The following ASXL3 variants were observed in gnomAD, a reference collection of about 807,000 sequenced individuals.
ASXL3 encodes ASXL transcriptional regulator 3.
Under a neutral mutation model 170.6 loss-of-function variants are expected in ASXL3, and 34 were observed. The observed-to-expected ratio is 0.20, with a 90% CI of 0.15 to 0.27. The LOEUF is 0.27. Among genes scored for constraint, ASXL3 ranks in the 10% least tolerant of loss-of-function variants. The pLI, the probability that ASXL3 is intolerant of heterozygous loss-of-function variation, is 1.00. For missense variants in ASXL3, 2,592 were observed against 2,695.3 expected, an observed-to-expected ratio of 0.96 and a Z score of 0.85; for synonymous variants, 1,002 against 989.1, an observed-to-expected ratio of 1.01 and a Z score of -0.24.
At chr18:33,629,556 A>C (rs923521312) in intron 2 of ASXL3, among the ~76,000 whole-genome samples, 3 of 152,048 alleles carry the variant, frequency 2.0e-5, no homozygotes, top group Admixed American at 1.3e-4. Flanking sequence ...GCCCAGGTTT[A>C]AGATAATTTT....
chr18:33,680,406 C>A (rs1014307129), intron 7 of ASXL3, among the ~76,000 whole-genome samples: 6 of 152,046 alleles, frequency 3.9e-5, no homozygotes, highest in African/African-American at 1.4e-4. Context: ...GCTTTTGAAT[C>A]CTGGGGGAAA....
intron 7 of ASXL3, among the ~76,000 whole-genome samples, chr18:33,675,278 G>T (rs186889817): frequency 2.4e-4 from 36 of 152,272 alleles, no homozygotes; most frequent in African/African-American, 8.4e-4. Context: ...CCAGCATGTA[G>T]CAGAATCAGT....
chr18:33,670,566 C>A, intron 5 of ASXL3, 107 bp from the exon 6 acceptor site: 1 of 724,072 alleles, frequency 1.4e-6, no homozygotes, highest in Non-Finnish European at 2.1e-6. Flanking sequence ...GAATTTAAGT[C>A]TCTTAAGAGG....
intron 2 of ASXL3, among the ~76,000 whole-genome samples, chr18:33,637,972 T>C (rs557907051): frequency 6.6e-6 from 1 of 152,248 alleles, no homozygotes; most frequent in East Asian, 1.9e-4. Context: ...GAGTACAAAT[T>C]TATTTCAAGA....
intron 3 of ASXL3, among the ~76,000 whole-genome samples, chr18:33,645,691 TA>T (rs1383767180): frequency 6.6e-6 from 1 of 151,914 alleles, no homozygotes; most frequent in African/African-American, 2.4e-5. Flanking sequence ...TCTTAGAAAT[TA>T]AAAAGAAGTC....
chr18:33,695,213 A>G (rs986119604), intron 8 of ASXL3, among the ~76,000 whole-genome samples: 9 of 152,174 alleles, frequency 5.9e-5, no homozygotes, highest in Non-Finnish European at 1.3e-4. Flanking sequence ...AAATACTAGT[A>G]TCTTAAGCCT....
intron 3 of ASXL3, 116 bp downstream of exon 3, chr18:33,645,118 G>A: frequency 2.0e-6 from 1 of 512,106 alleles, no homozygotes; most frequent in Non-Finnish European, 3.3e-6. Context: ...GCCTTTAAAT[G>A]TTTACAGATG....
chr18:33,618,175 C>A (rs2065457137), intron 2 of ASXL3, among the ~76,000 whole-genome samples: 1 of 152,086 alleles, frequency 6.6e-6, no homozygotes, highest in African/African-American at 2.4e-5. Flanking sequence ...AAAAATAAGT[C>A]TTAGTTCTTT....
At chr18:33,644,791 T>G in intron 2 of ASXL3, 103 bp from the exon 3 acceptor site, 2 of 639,948 alleles carry the variant, frequency 3.1e-6, no homozygotes, top group Non-Finnish European at 4.9e-6. Flanking sequence ...TTTTAATTAT[T>G]TTTTTATTTT....
At chr18:33,602,236 A>G (rs1200352230) in intron 1 of ASXL3, among the ~76,000 whole-genome samples, 3 of 152,060 alleles carry the variant, frequency 2.0e-5, no homozygotes, top group Non-Finnish European at 4.4e-5. Context: ...CTGCCATTCT[A>G]TGGAAAAATT....
chr18:33,689,510 G>T (rs1360747162), intron 8 of ASXL3, among the ~76,000 whole-genome samples: 1 of 152,098 alleles, frequency 6.6e-6, no homozygotes, highest in Non-Finnish European at 1.5e-5. Context: ...CCTTCATTTG[G>T]ATCAGTTCTT....
At position 33,743,291 on chromosome 18, in the gene ASXL3, CT is replaced by C; in HGVS notation, c.3444del (p.Glu1149LysfsTer107). The C allele has an allele frequency of 6.2e-7, 1 of 1,613,894 alleles. No homozygotes were observed. The highest frequency in any genetic ancestry group is 8.5e-7 in the Non-Finnish European group (1 of 1,179,830). On this transcript the variant is annotated frameshift_variant, in exon 12 of 12. Coordinates refer to ENST00000269197, the MANE Select transcript of ASXL3 (RefSeq NM_030632.3). LOFTEE classifies it high-confidence loss of function. Reference sequence around the variant, plus strand: ...CCAAACTTAGAAGTCTCTTCTACCCCTGAAACAAAAATGGAAGGTTCGACTG... The same window carrying C: ...CCAAACTTAGAAGTCTCTTCTACCCCGAAACAAAAATGGAAGGTTCGACTG... ...GPPNLEVSST[P>X]ETKMEGSTGV...
intron 4 of ASXL3, among the ~76,000 whole-genome samples, chr18:33,652,238 G>C (rs2066009923): frequency 6.6e-6 from 1 of 151,934 alleles, no homozygotes; most frequent in Non-Finnish European, 1.5e-5. Flanking sequence ...ATAATACATT[G>C]ATATATCGTG....
intron 2 of ASXL3, chr18:33,625,872 T>C (rs546412951): frequency 6.6e-6 from 1 of 152,258 alleles, no homozygotes; most frequent in South Asian, 2.1e-4. Flanking sequence ...TGATGAGCAT[T>C]TTTATAGATA....
At chr18:33,676,820 C>G (rs958643152) in intron 7 of ASXL3, among the ~76,000 whole-genome samples, 1 of 152,144 alleles carries the variant, frequency 6.6e-6, no homozygotes, top group African/African-American at 2.4e-5. Flanking sequence ...AAACCCTCCC[C>G]CATGAAGTTT....
intron 1 of ASXL3, 28 bp downstream of exon 1, chr18:33,578,713 G>A: frequency 5.0e-6 from 6 of 1,198,534 alleles, no homozygotes; most frequent in Non-Finnish European, 6.3e-6. Flanking sequence ...CACGCCGCCC[G>A]CGCCTCCCGC....
intron 2 of ASXL3, among the ~76,000 whole-genome samples, chr18:33,643,358 G>A (rs2065873968): frequency 6.6e-6 from 1 of 151,788 alleles, no homozygotes; most frequent in Non-Finnish European, 1.5e-5. Context: ...TTTTGTGAGA[G>A]AAAATAATGA....
intron 7 of ASXL3, among the ~76,000 whole-genome samples, chr18:33,680,980 G>A (rs2066504884): frequency 6.6e-6 from 1 of 150,910 alleles, no homozygotes; most frequent in African/African-American, 2.4e-5. Flanking sequence ...TCCTCCTTTT[G>A]TGCCTTCCTT....
intron 1 of ASXL3, among the ~76,000 whole-genome samples, chr18:33,599,002 A>G (rs2065156847): frequency 6.6e-6 from 1 of 152,190 alleles, no homozygotes; most frequent in South Asian, 2.1e-4. Flanking sequence ...ATGAACTCAT[A>G]TGCATGTTAG....
Sources: gnomAD v4.1 joint callset for allele counts (sites outside exome capture counted in the v4.1 genomes callset) on GRCh38, gnomAD v4.1.1 for gene constraint, MANE v1.5 for transcripts, NCBI Gene and HGNC (gene_info 2026-07-23, HGNC 2026-07-21) for gene names.